Variants in DDX10 observed in about 807,000 individuals in gnomAD.
DDX10 encodes DEAD-box helicase 10.
DDX10 carries 74 observed loss-of-function variants against 104.3 expected under a neutral mutation model. That is an observed-to-expected ratio of 0.71 (90% confidence interval 0.59 to 0.86). DDX10 has a LOEUF of 0.86. Among genes scored for constraint, DDX10 ranks in the 40% least tolerant of loss-of-function variants. The probability of loss-of-function intolerance (pLI) is 0.00; values close to 1 mark genes in which losing one functional copy is unlikely to be tolerated. For missense variants in DDX10, 952 were observed against 1,040.0 expected (o/e 0.92, Z 1.16); for synonymous variants, 351 against 353.4 (o/e 0.99, Z 0.08).
chr11:108,931,651 CCAAATATA>C (rs1266282013), intron 17 of DDX10, among the ~76,000 whole-genome samples: 1 of 152,150 alleles, frequency 6.6e-6, no homozygotes, highest in African/African-American at 2.4e-5. Context: ...ACAGTATCTT[CCAAATATA>C]CTGAGTTAAA....
intron 16 of DDX10, among the ~76,000 whole-genome samples, chr11:108,913,904 A>G (rs1262460884): frequency 2.0e-5 from 3 of 151,064 alleles, no homozygotes; most frequent in Non-Finnish European, 4.4e-5. Context: ...TATTAGTCAC[A>G]TTATACTTTC....
intron 13 of DDX10, among the ~76,000 whole-genome samples, chr11:108,803,994 A>C (rs566974326): frequency 6.6e-6 from 1 of 152,120 alleles, no homozygotes. Flanking sequence ...GCCTGTTTCC[A>C]GGGCAATTTC....
chr11:108,910,064 C>A (rs1285050988), intron 16 of DDX10, among the ~76,000 whole-genome samples: 1 of 144,386 alleles, frequency 6.9e-6, no homozygotes, highest in Admixed American at 7.0e-5. Flanking sequence ...AGGCAGCTGG[C>A]GCAATATTCT....
rs182215391 is a variant in DDX10 at position 108,711,961 on chromosome 11, T to C, written c.1323-3918T>C. The stretch of plus-strand genomic sequence containing the variant: ...CTTTCTGGTTGCAATTCTATCAGTA[T>C]TTGCCTCACATAGTTTGATGCTGTA... On this transcript the variant is annotated intron_variant, in intron 10 of 17. Transcript: ENST00000322536. 3.9e-3 allele frequency among the ~76,000 whole-genome samples: 593 copies of C among 152,330 alleles called. 7 individuals are homozygous for C. The highest frequency in any genetic ancestry group is 0.014 in the African/African-American group (567 of 41,566).
chr11:108,710,710 G>A (rs1015778081), intron 10 of DDX10, among the ~76,000 whole-genome samples: 3 of 152,190 alleles, frequency 2.0e-5, no homozygotes, highest in Non-Finnish European at 4.4e-5. Context: ...TCATTTTCAA[G>A]TATTATGTAC....
chr11:108,900,752 G>T (rs1464865699), intron 16 of DDX10, among the ~76,000 whole-genome samples: 1 of 152,142 alleles, frequency 6.6e-6, no homozygotes, highest in African/African-American at 2.4e-5. Context: ...CAGTGGAATT[G>T]TACCTGGTTG....
chr11:108,779,813 G>A (rs2094375738), intron 13 of DDX10, among the ~76,000 whole-genome samples: 1 of 152,206 alleles, frequency 6.6e-6, no homozygotes, highest in African/African-American at 2.4e-5. Flanking sequence ...AAGTTGCAGA[G>A]AGATCCTTGA....
intron 13 of DDX10, among the ~76,000 whole-genome samples, chr11:108,789,547 A>G (rs1056851720): frequency 2.0e-5 from 3 of 152,212 alleles, no homozygotes; most frequent in Non-Finnish European, 4.4e-5. Flanking sequence ...TAAGTTGTGG[A>G]AAATTATTTG....
intron 12 of DDX10, among the ~76,000 whole-genome samples, chr11:108,721,885 T>G (rs1359785820): frequency 6.6e-6 from 1 of 152,212 alleles, no homozygotes; most frequent in African/African-American, 2.4e-5. Flanking sequence ...CATAAAAATG[T>G]AAGTGCAATA....
At chr11:108,804,544 T>A (rs1306300712) in intron 13 of DDX10, among the ~76,000 whole-genome samples, 3 of 144,684 alleles carry the variant, frequency 2.1e-5, no homozygotes, top group African/African-American at 7.5e-5. Flanking sequence ...TGCCACAAAA[T>A]TTTCAACTGA....
Position 108,871,624 on chromosome 11 carries a change from C to T in DDX10, c.2304+19415C>T, listed in dbSNP as rs576483820. Among the ~76,000 whole-genome samples the T allele has an allele frequency of 5.9e-5, 9 of 152,280 alleles. No individual in the cohort carries two copies. The East Asian group carries it at 1.2e-3, about 20-fold the overall frequency. On this transcript the variant is annotated intron_variant, in intron 16 of 17. Coordinates refer to ENST00000322536, the MANE Select transcript of DDX10 (RefSeq NM_004398.4). ...TCCATCCTCCTCCTTACCAGTCCCACGAATTTAAGAAATTGAGCTTTGGGC... is the reference window on the plus strand; with the variant it reads ...TCCATCCTCCTCCTTACCAGTCCCATGAATTTAAGAAATTGAGCTTTGGGC...
At chr11:108,714,595 G>C (rs552295882) in intron 10 of DDX10, among the ~76,000 whole-genome samples, 17 of 151,348 alleles carry the variant, frequency 1.1e-4, no homozygotes, top group Non-Finnish European at 2.4e-4. Flanking sequence ...ACATGAGATG[G>C]AGAACTTGTT....
At chr11:108,929,186 T>C (rs1452674722) in intron 17 of DDX10, among the ~76,000 whole-genome samples, 2 of 152,184 alleles carry the variant, frequency 1.3e-5, no homozygotes, top group African/African-American at 2.4e-5. Flanking sequence ...CAGCCCCTCA[T>C]AGAGCGTACG....
intron 13 of DDX10, among the ~76,000 whole-genome samples, chr11:108,762,419 T>G (rs2134517121): frequency 6.6e-6 from 1 of 152,286 alleles, no homozygotes; most frequent in Middle Eastern, 3.4e-3. Flanking sequence ...TAAATCCTTT[T>G]CCATTGTTGA....
chr11:108,894,688 T>G (rs1863417438), intron 16 of DDX10, among the ~76,000 whole-genome samples: 1 of 151,984 alleles, frequency 6.6e-6, no homozygotes, highest in Non-Finnish European at 1.5e-5. Flanking sequence ...AAAATGGTAT[T>G]TTGCTCATAT....
intron 13 of DDX10, among the ~76,000 whole-genome samples, chr11:108,795,358 C>T (rs1205160112): frequency 6.7e-6 from 1 of 149,732 alleles, no homozygotes. Flanking sequence ...GCACAACATG[C>T]ACATATGTAT....
intron 16 of DDX10, among the ~76,000 whole-genome samples, chr11:108,896,675 G>A (rs779579803): frequency 2.0e-5 from 3 of 152,092 alleles, no homozygotes; most frequent in Non-Finnish European, 4.4e-5. Context: ...CATATTTAGA[G>A]GAATTCAAGC....
At chr11:108,804,549 A>G (rs1265054695) in intron 13 of DDX10, among the ~76,000 whole-genome samples, 1 of 149,156 alleles carries the variant, frequency 6.7e-6, no homozygotes, top group Admixed American at 6.7e-5. Flanking sequence ...CAAAATTTTC[A>G]ACTGAAAACA....
At chr11:108,793,548 A>G (rs1861899001) in intron 13 of DDX10, among the ~76,000 whole-genome samples, 1 of 152,098 alleles carries the variant, frequency 6.6e-6, no homozygotes, top group Non-Finnish European at 1.5e-5. Flanking sequence ...ATTAACTCAT[A>G]TTTTTCATCC....
Sources: allele counts gnomAD v4.1 joint callset (sites outside exome capture counted in the v4.1 genomes callset), GRCh38; gene constraint gnomAD v4.1.1; transcripts MANE v1.5; gene names NCBI Gene and HGNC (gene_info 2026-07-23, HGNC 2026-07-21).